Variants in VAV1 observed in about 807,000 individuals in gnomAD.
VAV1 encodes the protein vav guanine nucleotide exchange factor 1.
A neutral mutation model predicts 128.1 loss-of-function variants in VAV1; 33 were observed. That is an observed-to-expected ratio of 0.26 (90% CI 0.20 to 0.34). The LOEUF is 0.34. Among genes scored for constraint, VAV1 ranks in the 10% least tolerant of loss-of-function variants. The probability of loss-of-function intolerance (pLI) is 1.00; values close to 1 mark genes in which losing one functional copy is unlikely to be tolerated. For missense variants in VAV1, 715 were observed against 1,093.7 expected (o/e 0.65, Z 4.88); for synonymous variants, 394 against 409.8 (o/e 0.96, Z 0.47).
intron 25 of VAV1, 51 bp downstream of exon 25, chr19:6,853,130 G>C: frequency 6.4e-7 from 1 of 1,566,032 alleles, no homozygotes; most frequent in South Asian, 1.1e-5. Context: ...TCCCATTGTG[G>C]AGGGAAACTT....
At chr19:6,795,929 C>T (rs150000296) in intron 1 of VAV1, among the ~76,000 whole-genome samples, 2,319 of 152,180 alleles carry the variant, frequency 0.015, 24 homozygotes, top group South Asian at 0.059. Flanking sequence ...GTGATCCGCC[C>T]GTCTCAGCCT....
At chr19:6,834,003 A>G (rs1171828562) in intron 19 of VAV1, 50 bp downstream of exon 19, 1 of 1,612,238 alleles carries the variant, frequency 6.2e-7, no homozygotes, top group South Asian at 1.1e-5. Flanking sequence ...ATTCATCTCT[A>G]TTGATGTTGA....
chr19:6,780,115 TAA>T (rs1440564409), intron 1 of VAV1, among the ~76,000 whole-genome samples: 1,402 of 58,802 alleles, frequency 0.024, 68 homozygotes, highest in Non-Finnish European at 0.034. Flanking sequence ...TGTCTTAAAA[TAA>T]TAATAATAAT....
At chr19:6,850,584 G>A in intron 23 of VAV1, 86 bp from the exon 24 acceptor site, 1 of 1,337,950 alleles carries the variant, frequency 7.5e-7, no homozygotes, top group Non-Finnish European at 1.1e-6. Context: ...CCCTGAAGGG[G>A]TCAAGGTTGC....
chr19:6,830,585 AC>A (rs1354507816), intron 14 of VAV1, among the ~76,000 whole-genome samples: 2 of 151,652 alleles, frequency 1.3e-5, no homozygotes, highest in African/African-American at 4.8e-5. Flanking sequence ...GATTACGGGC[AC>A]CCACCACCAT....
Position 6,828,919 on chromosome 19 carries a change from G to T in VAV1, c.1265+19G>T. ...TGGACAGGTGGGTGGAGTCAACATGGATCTGGGATGGAGCCTGGGCAAAGG... is the reference window on the plus strand; with the variant it reads ...TGGACAGGTGGGTGGAGTCAACATGTATCTGGGATGGAGCCTGGGCAAAGG... On this transcript the variant is annotated intron_variant, in intron 13 of 26. Coordinates refer to ENST00000602142, the MANE Select transcript of VAV1 (RefSeq NM_005428.4). This position sits in a 1 kb window ranked among gnomAD's most constrained non-coding sequence, Gnocchi z 4.5. 2 of 1,613,740 alleles carry T rather than the reference G, an allele frequency of 1.2e-6. No individual in the cohort carries two copies. The highest frequency in any genetic ancestry group is 1.7e-6 in the Non-Finnish European group (2 of 1,179,882).
At chr19:6,802,107 G>A (rs941609532) in intron 1 of VAV1, among the ~76,000 whole-genome samples, 6 of 151,846 alleles carry the variant, frequency 4.0e-5, no homozygotes, top group African/African-American at 1.2e-4. Flanking sequence ...ACCAAACACC[G>A]CATGTTCTCA....
intron 1 of VAV1, among the ~76,000 whole-genome samples, chr19:6,816,050 C>G (rs910420506): frequency 2.1e-5 from 3 of 144,298 alleles, no homozygotes; most frequent in Non-Finnish European, 4.5e-5. Context: ...GACGGAGTCT[C>G]GCTCTGTCGC....
intron 14 of VAV1, among the ~76,000 whole-genome samples, chr19:6,831,458 C>A (rs3786687): frequency 6.6e-6 from 1 of 151,930 alleles, no homozygotes; most frequent in African/African-American, 2.4e-5. Flanking sequence ...ATTACAGGTG[C>A]CCGCCACCAC....
intron 1 of VAV1, among the ~76,000 whole-genome samples, chr19:6,801,280 A>G (rs569934422): frequency 6.6e-6 from 1 of 152,234 alleles, no homozygotes; most frequent in Admixed American, 6.5e-5. Context: ...AAGTATTTTC[A>G]TTCCCGACGT....
At chr19:6,839,800 C>T (rs533007189) in intron 21 of VAV1, among the ~76,000 whole-genome samples, 22 of 152,158 alleles carry the variant, frequency 1.4e-4, no homozygotes, top group Admixed American at 2.0e-4. Flanking sequence ...AGGTGGTCCT[C>T]ACACTTCCGC....
At chr19:6,802,574 C>T (rs118146369) in intron 1 of VAV1, among the ~76,000 whole-genome samples, 6,308 of 152,208 alleles carry the variant, frequency 0.041, 167 homozygotes, top group Middle Eastern at 0.068. Context: ...TTCAGCTGAT[C>T]TCCCTGAGGT....
chr19:6,795,336 G>A (rs1971108010), intron 1 of VAV1, among the ~76,000 whole-genome samples: 1 of 152,028 alleles, frequency 6.6e-6, no homozygotes, highest in Non-Finnish European at 1.5e-5. Flanking sequence ...TGAACCTTGA[G>A]CAAATGACCC....
intron 1 of VAV1, among the ~76,000 whole-genome samples, chr19:6,791,392 T>C (rs1971015370): frequency 1.3e-5 from 2 of 151,952 alleles, no homozygotes; most frequent in South Asian, 4.1e-4. Context: ...CTTGAGGTCC[T>C]TGAGCTAGCT....
chr19:6,826,207 A>G lies in VAV1; in HGVS notation c.828-405A>G, dbSNP rs1392038361. 6.6e-6 allele frequency among the ~76,000 whole-genome samples: 1 copy of G among 151,710 alleles called. No individual in the cohort carries two copies. The highest frequency in any genetic ancestry group is 2.4e-5 in the African/African-American group (1 of 41,262). On this transcript the variant is annotated intron_variant, in intron 8 of 26. Coordinates refer to ENST00000602142, the MANE Select transcript of VAV1 (RefSeq NM_005428.4). This position sits in a 1 kb window ranked among gnomAD's most constrained non-coding sequence, Gnocchi z 4.1. ...ACAAAAATTAGCCAGGCATGGTGGCAGGTGTCTGTAATCCCAGCTACTCGG... is the reference window on the plus strand; with the variant it reads ...ACAAAAATTAGCCAGGCATGGTGGCGGGTGTCTGTAATCCCAGCTACTCGG...
chr19:6,848,401 T>C (rs1262161346), intron 23 of VAV1, among the ~76,000 whole-genome samples: 6 of 141,276 alleles, frequency 4.2e-5, no homozygotes, highest in Non-Finnish European at 6.1e-5. Flanking sequence ...TTCCCCTTTT[T>C]TTCTTTTCTT....
Position 6,843,162 on chromosome 19 carries a change from C to G in VAV1, c.2008C>G (p.Leu670Val). 1 of 1,614,126 alleles carries G rather than the reference C, an allele frequency of 6.2e-7. No individual in the cohort carries two copies. The highest frequency in any genetic ancestry group is 8.5e-7 in the Non-Finnish European group (1 of 1,180,020). The change falls in exon 22 of 27, where the codon CTC becomes GTC. Residue 670 changes from leucine to valine, a missense_variant. By Grantham distance (32) the Leu-to-Val change is conservative (BLOSUM62 1). Transcript: ENST00000602142. ...CCCTCCTCAGGACCTGTCTGTTCAT[C>G]TCTGGTGAGTAGAAACATTTATTTT... ...HGPPQDLSVH[L>V]WYAGPMERAG... is the part of the protein sequence containing the mutation.
At position 6,822,209 on chromosome 19, in the gene VAV1, C is replaced by T. The variant is rs1348969462; in HGVS notation, c.450-12C>T. Reference sequence around the variant, plus strand: ...GAGAGGTCCAAGGGATCCCTGACCTCACAACCCACAGCGACACGGTGGAGG... The same window carrying T: ...GAGAGGTCCAAGGGATCCCTGACCTTACAACCCACAGCGACACGGTGGAGG... On this transcript the variant is annotated splice_polypyrimidine_tract_variant and intron_variant, in intron 4 of 26. Coordinates refer to ENST00000602142, the MANE Select transcript of VAV1 (RefSeq NM_005428.4). This position sits in a 1 kb window ranked among gnomAD's most constrained non-coding sequence, Gnocchi z 5.9. The T allele has an allele frequency of 1.3e-6, 2 of 1,568,922 alleles. No individual in the cohort carries two copies. The highest frequency in any genetic ancestry group is 2.3e-5 in the East Asian group (1 of 43,358).
chr19:6,852,880 A>C, intron 24 of VAV1, 85 bp from the exon 25 acceptor site: 1 of 1,042,774 alleles, frequency 9.6e-7, no homozygotes, highest in Admixed American at 2.1e-5. Context: ...GCTTCATGTG[A>C]GGAGTTGCAT....
Sources: allele counts gnomAD v4.1 joint callset (sites outside exome capture counted in the v4.1 genomes callset), GRCh38; gene constraint gnomAD v4.1.1; non-coding constraint Gnocchi (gnomAD v3.1); transcripts MANE v1.5; gene names NCBI Gene and HGNC (gene_info 2026-07-23, HGNC 2026-07-21).